The following RIPOR2 variants were observed in gnomAD, a reference collection of about 807,000 sequenced individuals.
The protein encoded by RIPOR2 is RHO family interacting cell polarization regulator 2.
Under a neutral mutation model 114.5 loss-of-function variants are expected in RIPOR2, and 39 were observed. The observed-to-expected ratio is 0.34, with a 90% CI of 0.26 to 0.44. RIPOR2 has a LOEUF of 0.44. Among genes scored for constraint, RIPOR2 ranks in the 20% least tolerant of loss-of-function variants. RIPOR2 has a pLI of 1.00. For synonymous variants in RIPOR2, 445 were observed against 484.4 expected (o/e 0.92, Z 1.07); for missense variants, 1,007 against 1,255.1 (o/e 0.80, Z 2.99).
intron 1 of RIPOR2, among the ~76,000 whole-genome samples, chr6:25,036,548 T>C (rs1328513417): frequency 1.3e-5 from 2 of 151,578 alleles, no homozygotes; most frequent in Non-Finnish European, 2.9e-5. Flanking sequence ...CACACCACCA[T>C]GCCCACTAAC....
At chr6:24,933,710 C>T (rs1287551751) in intron 1 of RIPOR2, among the ~76,000 whole-genome samples, 1 of 152,202 alleles carries the variant, frequency 6.6e-6, no homozygotes, top group Non-Finnish European at 1.5e-5. Context: ...TGTCCCACTT[C>T]ACCATTGAGG....
At chr6:24,811,491 C>T (rs1243654139) in intron 20 of RIPOR2, among the ~76,000 whole-genome samples, 1 of 151,722 alleles carries the variant, frequency 6.6e-6, no homozygotes, top group Non-Finnish European at 1.5e-5. Context: ...CCTGCCTCAG[C>T]CTTCCAAAGT....
Position 24,843,545 on chromosome 6 carries a change from G to C in RIPOR2, c.1174C>G (p.Pro392Ala). Residue 392 changes from proline (P) to alanine (A), a missense_variant, in exon 13 of 22, where the codon CCT becomes GCT. By Grantham distance (27) the Pro-to-Ala change is conservative. Transcript: ENST00000643898. Reference sequence around the variant, plus strand: ...TTTCCATTTTCAAAGATGTCATCAGGTAGATTTGACTATAGATAAAAGATA... The same window carrying C: ...TTTCCATTTTCAAAGATGTCATCAGCTAGATTTGACTATAGATAAAAGATA... ...FKDHSFFSNL[P>A]DDIFENGKAA... 2.6e-6 allele frequency: 4 copies of C among 1,514,900 alleles called. No individual in the cohort carries two copies. The highest frequency in any genetic ancestry group is 3.5e-6 in the Non-Finnish European group (4 of 1,131,156). 93.8% of individuals were successfully genotyped at this position (1,514,900 alleles called of 1,614,324 possible). A position where few individuals can be genotyped will look rare whatever the true frequency, so the allele number is the denominator to read the frequency against.
At chr6:24,844,769 G>A (rs1047055604) in intron 12 of RIPOR2, among the ~76,000 whole-genome samples, 6 of 152,090 alleles carry the variant, frequency 3.9e-5, no homozygotes, top group Admixed American at 6.6e-5. Context: ...GAGCCACCGC[G>A]CCTGGCCCAA....
intron 1 of RIPOR2, among the ~76,000 whole-genome samples, chr6:24,984,465 AT>A (rs1774448344): frequency 6.6e-6 from 1 of 152,056 alleles, no homozygotes; most frequent in African/African-American, 2.4e-5. Context: ...ATTACTCACA[AT>A]TTTCTAATCT....
chr6:24,906,796 C>T (rs1769047288), intron 1 of RIPOR2, among the ~76,000 whole-genome samples: 1 of 152,078 alleles, frequency 6.6e-6, no homozygotes, highest in Admixed American at 6.5e-5. Flanking sequence ...ACCACCATGT[C>T]TGGCTAATTT....
chr6:24,977,016 T>C, intron 1 of RIPOR2: 1 of 1,487,656 alleles, frequency 6.7e-7, no homozygotes, highest in Non-Finnish European at 9.2e-7. Flanking sequence ...CACCAGATCA[T>C]TCCTTCTGTA....
chr6:24,857,426 G>A (rs763324329), intron 8 of RIPOR2, among the ~76,000 whole-genome samples: 5 of 152,068 alleles, frequency 3.3e-5, no homozygotes, highest in East Asian at 3.9e-4. Context: ...GTTTCACGGC[G>A]CTCACATATT....
intron 1 of RIPOR2, among the ~76,000 whole-genome samples, chr6:25,031,765 A>C (rs1776990113): frequency 8.0e-6 from 1 of 124,974 alleles, no homozygotes; most frequent in South Asian, 2.5e-4. Flanking sequence ...TATCCATAGA[A>C]TATATATATA....
rs187425907 is a variant in RIPOR2 at position 24,883,149 on chromosome 6, G to A, written c.62-7332C>T. Among the ~76,000 whole-genome samples, 4 of 152,106 alleles carry A rather than the reference G, an allele frequency of 2.6e-5. No homozygotes were observed. The highest frequency in any genetic ancestry group is 4.8e-5 in the African/African-American group (2 of 41,484). On this transcript the variant is annotated intron_variant, in intron 1 of 21. Coordinates refer to ENST00000643898, the MANE Select transcript of RIPOR2 (RefSeq NM_001286445.3). The surrounding 1 kb of genome is among the most constrained non-coding windows in gnomAD (Gnocchi z 4.1). Reference sequence around the variant, plus strand: ...TAAAAATTTAACCAAACCTTCTATCGAATTAAGAATACAAACAGGCAATTC... The same window carrying A: ...TAAAAATTTAACCAAACCTTCTATCAAATTAAGAATACAAACAGGCAATTC...
intron 1 of RIPOR2, among the ~76,000 whole-genome samples, chr6:24,902,698 T>C (rs1768599126): frequency 6.6e-6 from 1 of 152,224 alleles, no homozygotes. Context: ...TCCTTCTCAA[T>C]GGTACCAACT....
At chr6:24,824,305 C>A (rs1383118989) in intron 19 of RIPOR2, among the ~76,000 whole-genome samples, 1 of 152,198 alleles carries the variant, frequency 6.6e-6, no homozygotes, top group Non-Finnish European at 1.5e-5. Flanking sequence ...ACATAGAGTT[C>A]ACCCTTTTGG....
chr6:24,873,184 T>C (rs1165035649), intron 3 of RIPOR2, among the ~76,000 whole-genome samples: 1 of 152,132 alleles, frequency 6.6e-6, no homozygotes, highest in Non-Finnish European at 1.5e-5. Context: ...AAGCTGAAAG[T>C]CGAGAAAAGA....
At chr6:24,970,819 A>G (rs1269489969) in intron 1 of RIPOR2, among the ~76,000 whole-genome samples, 1 of 152,198 alleles carries the variant, frequency 6.6e-6, no homozygotes, top group Non-Finnish European at 1.5e-5. Context: ...TAGTGGTAGG[A>G]GTCTGCACTC....
At chr6:24,829,746 G>A (rs1193148850) in intron 17 of RIPOR2, among the ~76,000 whole-genome samples, 1 of 152,134 alleles carries the variant, frequency 6.6e-6, no homozygotes, top group Non-Finnish European at 1.5e-5. Flanking sequence ...AAAGCTGGTA[G>A]GAACCTTCAT....
At chr6:24,999,957 G>C (rs1351625402) in intron 1 of RIPOR2, among the ~76,000 whole-genome samples, 1 of 152,198 alleles carries the variant, frequency 6.6e-6, no homozygotes. Context: ...GAGCCCATCA[G>C]TATCAGGTGG....
At chr6:24,908,362 T>A (rs1444707757) in intron 1 of RIPOR2, among the ~76,000 whole-genome samples, 1 of 152,256 alleles carries the variant, frequency 6.6e-6, no homozygotes, top group Non-Finnish European at 1.5e-5. Context: ...TTGCAAACCC[T>A]TCAACCCAAG....
chr6:24,818,531 C>T lies in RIPOR2; in HGVS notation c.2952+11G>A, dbSNP rs75993082. On this transcript the variant is annotated intron_variant, in intron 20 of 21. Coordinates refer to ENST00000643898, the MANE Select transcript of RIPOR2 (RefSeq NM_001286445.3). ...CTGAGCTGCCAGGGGAGCTCCAAGG[C>T]TGGGCTTTACCTCAAGGATTTTCAG... 3.2e-6 allele frequency: 5 copies of T among 1,540,920 alleles called. No homozygotes were observed. The South Asian group carries it at 6.0e-5, about 19-fold the overall frequency.
At chr6:25,015,889 T>A (rs1236292047) in intron 1 of RIPOR2, 2 of 16,252 alleles carry the variant, frequency 1.2e-4, no homozygotes, top group African/African-American at 2.4e-4. Flanking sequence ...AAAACGCAGG[T>A]TTTTTGGTTT....
Sources: allele counts gnomAD v4.1 joint callset (sites outside exome capture counted in the v4.1 genomes callset), GRCh38; gene constraint gnomAD v4.1.1; non-coding constraint Gnocchi (gnomAD v3.1); transcripts MANE v1.5; gene names NCBI Gene and HGNC (gene_info 2026-07-23, HGNC 2026-07-21).